Variants in NRG3 observed in about 807,000 individuals in gnomAD.
NRG3 encodes neuregulin 3, also known as pro-neuregulin-3, membrane-bound isoform.
Under a neutral mutation model 66.9 loss-of-function variants are expected in NRG3, and 31 were observed. That is an observed-to-expected ratio of 0.46 (90% CI 0.35 to 0.63). NRG3 has a LOEUF of 0.63. NRG3 is among the 20% of genes least tolerant of loss of function. NRG3 has a pLI of 0.00. For missense variants in NRG3, 910 were observed against 878.9 expected (o/e 1.04, Z -0.45); for synonymous variants, 393 against 359.4 (o/e 1.09, Z -1.06).
At chr10:82,117,640 T>A (rs1188783001) in intron 1 of NRG3, among the ~76,000 whole-genome samples, 1 of 152,050 alleles carries the variant, frequency 6.6e-6, no homozygotes, top group Non-Finnish European at 1.5e-5. Context: ...GACCCCACCC[T>A]TTTTACCTGG....
intron 1 of NRG3, among the ~76,000 whole-genome samples, chr10:82,349,705 G>T (rs893939361): frequency 2.0e-5 from 3 of 152,102 alleles, no homozygotes; most frequent in Non-Finnish European, 2.9e-5. Context: ...TGCTGTGCTA[G>T]CAATCAGGGA....
At chr10:82,558,527 G>C (rs2044801103) in intron 2 of NRG3, among the ~76,000 whole-genome samples, 1 of 152,124 alleles carries the variant, frequency 6.6e-6, no homozygotes, top group African/African-American at 2.4e-5. Context: ...ATCAAGACCT[G>C]CTGGAACTGA....
chr10:82,903,963 T>G (rs760616789), intron 4 of NRG3, among the ~76,000 whole-genome samples: 1 of 152,188 alleles, frequency 6.6e-6, no homozygotes, highest in Non-Finnish European at 1.5e-5. Context: ...ATGTGTTGAC[T>G]CTGGTTACTG....
intron 1 of NRG3, among the ~76,000 whole-genome samples, chr10:82,083,297 T>C (rs998893904): frequency 1.3e-5 from 2 of 152,010 alleles, no homozygotes; most frequent in African/African-American, 2.4e-5. Context: ...ATAAGTAATA[T>C]ACATAATTGC....
intron 2 of NRG3, among the ~76,000 whole-genome samples, chr10:82,509,093 C>G (rs1844936112): frequency 6.6e-6 from 1 of 152,132 alleles, no homozygotes; most frequent in Non-Finnish European, 1.5e-5. Flanking sequence ...GTGAACATTC[C>G]TAAACCCAAA....
chr10:81,988,141 T>C, intron 1 of NRG3, among the ~76,000 whole-genome samples: 1 of 152,278 alleles, frequency 6.6e-6, no homozygotes, highest in East Asian at 1.9e-4. Flanking sequence ...TAGTGTAGTG[T>C]TTTGATATTT....
At chr10:82,098,246 A>G (rs2066487640) in intron 1 of NRG3, among the ~76,000 whole-genome samples, 1 of 151,332 alleles carries the variant, frequency 6.6e-6, no homozygotes, top group Non-Finnish European at 1.5e-5. Flanking sequence ...GATGTCATCT[A>G]TATATATATG....
At chr10:82,606,576 C>A (rs1462365696) in intron 2 of NRG3, among the ~76,000 whole-genome samples, 1 of 151,976 alleles carries the variant, frequency 6.6e-6, no homozygotes, top group Non-Finnish European at 1.5e-5. Context: ...TACTGATTCC[C>A]TACTGAAAAC....
chr10:82,785,379 T>G (rs959674667), intron 3 of NRG3, among the ~76,000 whole-genome samples: 4 of 151,098 alleles, frequency 2.6e-5, no homozygotes, highest in African/African-American at 9.7e-5. Context: ...TAAATTAAAT[T>G]AAATTAAATT....
chr10:82,398,309 G>T (rs191232908), intron 2 of NRG3, among the ~76,000 whole-genome samples: 4 of 152,170 alleles, frequency 2.6e-5, no homozygotes, highest in African/African-American at 9.6e-5. Context: ...ATGAAGGGAA[G>T]TGATTACAAT....
chr10:82,477,478 C>T (rs920624355), intron 2 of NRG3, among the ~76,000 whole-genome samples: 8 of 152,004 alleles, frequency 5.3e-5, no homozygotes, highest in Non-Finnish European at 1.0e-4. Flanking sequence ...ATTATGTGTC[C>T]GAGCAAGTAT....
chr10:82,777,979 T>C (rs1008569273), intron 3 of NRG3, among the ~76,000 whole-genome samples: 12 of 152,214 alleles, frequency 7.9e-5, no homozygotes, highest in African/African-American at 1.2e-4. Context: ...AGCAAGGTGC[T>C]GAAGCTCTTC....
chr10:82,036,310 G>A (rs946431397), intron 1 of NRG3, among the ~76,000 whole-genome samples: 1 of 152,050 alleles, frequency 6.6e-6, no homozygotes. Flanking sequence ...TGAAGGGGAG[G>A]CCATTAAACC....
At chr10:82,382,633 T>C (rs949991563) in intron 2 of NRG3, among the ~76,000 whole-genome samples, 1 of 152,046 alleles carries the variant, frequency 6.6e-6, no homozygotes, top group African/African-American at 2.4e-5. Context: ...TCTCACATAC[T>C]ATTTTATTGA....
intron 2 of NRG3, among the ~76,000 whole-genome samples, chr10:82,612,501 A>T (rs1438625073): frequency 6.6e-6 from 1 of 152,202 alleles, no homozygotes; most frequent in East Asian, 1.9e-4. Context: ...GGAATATAGG[A>T]ATGCTTTTTG....
chr10:82,490,159 A>G (rs1292858814), intron 2 of NRG3, among the ~76,000 whole-genome samples: 1 of 152,206 alleles, frequency 6.6e-6, no homozygotes, highest in Non-Finnish European at 1.5e-5. Flanking sequence ...CTCCCACACC[A>G]GCAGCCAACT....
intron 1 of NRG3, among the ~76,000 whole-genome samples, chr10:82,159,166 A>G (rs1438100120): frequency 1.3e-5 from 2 of 151,912 alleles, no homozygotes; most frequent in Non-Finnish European, 2.9e-5. Context: ...CCTGAAAGTA[A>G]CATTGCTGAT....
Position 82,890,901 on chromosome 10 carries a change from C to T in NRG3, c.1054+25464C>T, listed in dbSNP as rs540978414. 5.9e-5 allele frequency among the ~76,000 whole-genome samples: 9 copies of T among 152,142 alleles called. No homozygotes were observed. The East Asian group carries it at 1.2e-3, about 20-fold the overall frequency. On this transcript the variant is annotated intron_variant, in intron 4 of 8. Transcript: ENST00000372141. ...CCTAAATGAGAATTTGGACAATTTT[C>T]GTCTTTATTTGACATTTGGATAATC...
intron 1 of NRG3, among the ~76,000 whole-genome samples, chr10:82,288,795 A>C (rs1367979151): frequency 6.6e-6 from 1 of 152,216 alleles, no homozygotes; most frequent in African/African-American, 2.4e-5. Flanking sequence ...ACATCGGAGC[A>C]TGCTGACTTA....
Sources: allele counts gnomAD v4.1 joint callset (sites outside exome capture counted in the v4.1 genomes callset), GRCh38; gene constraint gnomAD v4.1.1; transcripts MANE v1.5; gene names NCBI Gene and HGNC (gene_info 2026-07-23, HGNC 2026-07-21).